ADGRB3: variants seen among roughly 807,000 people sequenced by gnomAD.
ADGRB3 encodes brain-specific angiogenesis inhibitor 3.
A neutral mutation model predicts 193.4 loss-of-function variants in ADGRB3; 37 were observed. The ratio of observed to expected loss-of-function variants is 0.19; its 90% confidence interval spans 0.15 to 0.25. ADGRB3 has a LOEUF of 0.25. Ranked by LOEUF, ADGRB3 falls within the 10% of genes least tolerant of loss-of-function variation. The pLI is 1.00. For missense variants in ADGRB3, 1,637 were observed against 1,852.9 expected, an observed-to-expected ratio of 0.88 and a Z score of 2.14; for synonymous variants, 690 against 644.2, an observed-to-expected ratio of 1.07 and a Z score of -1.08.
intron 20 of ADGRB3, among the ~76,000 whole-genome samples, chr6:69,239,618 G>C (rs1162113410): frequency 1.3e-5 from 2 of 151,902 alleles, no homozygotes; most frequent in African/African-American, 4.8e-5. Flanking sequence ...TTCCTAAAAG[G>C]TAACTATAAA....
intron 20 of ADGRB3, among the ~76,000 whole-genome samples, chr6:69,249,833 C>A (rs1202577808): frequency 6.6e-6 from 1 of 152,144 alleles, no homozygotes; most frequent in Non-Finnish European, 1.5e-5. Context: ...AATTTTAAAT[C>A]TTAAGCCTTG....
chr6:69,376,601 A>G (rs1769828423), intron 30 of ADGRB3, among the ~76,000 whole-genome samples: 1 of 152,066 alleles, frequency 6.6e-6, no homozygotes, highest in African/African-American at 2.4e-5. Context: ...AATAGAAGTA[A>G]GAGATCATTT....
At chr6:69,011,316 C>G (rs574201172) in intron 11 of ADGRB3, among the ~76,000 whole-genome samples, 1 of 151,952 alleles carries the variant, frequency 6.6e-6, no homozygotes, top group East Asian at 1.9e-4. Context: ...TGAAATCATG[C>G]CCTGTGCTGC....
At chr6:69,104,269 G>T (rs539759282) in intron 17 of ADGRB3, among the ~76,000 whole-genome samples, 26 of 144,898 alleles carry the variant, frequency 1.8e-4, no homozygotes, top group Non-Finnish European at 3.1e-4. Flanking sequence ...TCCCACCTAT[G>T]AGTGAGAATA....
intron 17 of ADGRB3, among the ~76,000 whole-genome samples, chr6:69,158,974 T>C (rs1044355204): frequency 6.6e-6 from 1 of 152,096 alleles, no homozygotes; most frequent in Non-Finnish European, 1.5e-5. Flanking sequence ...TCCTCCAGCA[T>C]CCAACGCCCC....
chr6:69,387,345 AG>A (rs1770096202), intron 31 of ADGRB3, among the ~76,000 whole-genome samples: 1 of 152,122 alleles, frequency 6.6e-6, no homozygotes, highest in Non-Finnish European at 1.5e-5. Context: ...GATAAGGCAG[AG>A]GTAGAGCTAC....
At chr6:69,100,902 A>AAGGGAGGGAGGGAAGGAAGGAAGG (rs1562159510) in intron 17 of ADGRB3, among the ~76,000 whole-genome samples, 1 of 3,920 alleles carries the variant, frequency 2.6e-4, no homozygotes, top group African/African-American at 1.4e-3. Flanking sequence ...AGGAAGGAAG[A>AAGGGAGGGAGGGAAGGAAGGAAGG]AGCGAGGGAG....
intron 3 of ADGRB3, among the ~76,000 whole-genome samples, chr6:68,872,553 A>C (rs1765489929): frequency 6.6e-6 from 1 of 152,172 alleles, no homozygotes; most frequent in South Asian, 2.1e-4. Context: ...TAATAGTGTT[A>C]TTAAATTCTC....
intron 26 of ADGRB3, among the ~76,000 whole-genome samples, chr6:69,340,875 T>A (rs1768959725): frequency 2.0e-5 from 3 of 152,210 alleles, no homozygotes; most frequent in African/African-American, 4.8e-5. Flanking sequence ...TTTGGTTTTC[T>A]GTTCCTGTGT....
chr6:68,982,897 C>G (rs151053008), intron 10 of ADGRB3, among the ~76,000 whole-genome samples: 36 of 152,138 alleles, frequency 2.4e-4, no homozygotes, highest in African/African-American at 7.5e-4. Context: ...AAGAAACTTT[C>G]GCAGGAGAAA....
At chr6:68,829,889 T>C (rs905140517) in intron 3 of ADGRB3, among the ~76,000 whole-genome samples, 1 of 152,076 alleles carries the variant, frequency 6.6e-6, no homozygotes, top group Non-Finnish European at 1.5e-5. Context: ...GAAGAGGAAA[T>C]AAAATAATCT....
intron 21 of ADGRB3, 126 bp downstream of exon 21, chr6:69,325,148 C>A: frequency 8.0e-7 from 1 of 1,248,310 alleles, no homozygotes; most frequent in Non-Finnish European, 1.1e-6. Context: ...AGTGAAAATA[C>A]ATGAGCTGGT....
At chr6:69,120,204 G>A (rs138051642) in intron 17 of ADGRB3, among the ~76,000 whole-genome samples, 174 of 152,324 alleles carry the variant, frequency 1.1e-3, no homozygotes, top group African/African-American at 4.0e-3. Context: ...TTTAAAGTCT[G>A]GAGGTTATGA....
intron 13 of ADGRB3, among the ~76,000 whole-genome samples, chr6:69,042,452 C>T (rs1771100073): frequency 6.6e-6 from 1 of 152,196 alleles, no homozygotes; most frequent in South Asian, 2.1e-4. Context: ...TCCTTCCCTT[C>T]CCTTCCAGAT....
At chr6:68,879,470 C>T (rs545470170) in intron 3 of ADGRB3, among the ~76,000 whole-genome samples, 9 of 152,032 alleles carry the variant, frequency 5.9e-5, no homozygotes, top group East Asian at 3.9e-4. Flanking sequence ...CCTCGTGATC[C>T]GCCCACCTCG....
At chr6:69,072,146 T>C (rs1186496341) in intron 16 of ADGRB3, among the ~76,000 whole-genome samples, 2 of 152,192 alleles carry the variant, frequency 1.3e-5, no homozygotes, top group African/African-American at 4.8e-5. Flanking sequence ...CAGCTTATTT[T>C]TCTAAACTTC....
At chr6:68,710,085 C>A (rs1765384866) in intron 3 of ADGRB3, among the ~76,000 whole-genome samples, 1 of 152,196 alleles carries the variant, frequency 6.6e-6, no homozygotes, top group Non-Finnish European at 1.5e-5. Context: ...AGCAAATGTG[C>A]ACCTAGGTGG....
intron 3 of ADGRB3, among the ~76,000 whole-genome samples, chr6:68,762,499 G>C (rs7739159): frequency 6.7e-6 from 1 of 149,758 alleles, no homozygotes. Context: ...TATATATATA[G>C]AGAGAGAGAG....
intron 8 of ADGRB3, among the ~76,000 whole-genome samples, chr6:68,968,700 G>A (rs1462438569): frequency 2.0e-5 from 3 of 152,110 alleles, no homozygotes; most frequent in Non-Finnish European, 4.4e-5. Flanking sequence ...AAAAACGGAC[G>A]AGTCGTTGTA....
Sources: allele counts gnomAD v4.1 joint callset (sites outside exome capture counted in the v4.1 genomes callset), GRCh38; gene constraint gnomAD v4.1.1; transcripts MANE v1.5; gene names NCBI Gene and HGNC (gene_info 2026-07-23, HGNC 2026-07-21).